Variants in PTGR3 observed in about 807,000 individuals in gnomAD.
PTGR3 encodes zinc binding alcohol dehydrogenase domain containing 2.
the PTGR3 span, chr18:75,201,686 T>C: frequency 3.1e-6 from 5 of 1,614,158 alleles, no homozygotes; most frequent in South Asian, 3.3e-5. Context: ...TGGCTGGCAA[T>C]GTTCCTGCTT....
chr18:75,204,854 A>T, the PTGR3 span, among the ~76,000 whole-genome samples: 1 of 152,050 alleles, frequency 6.6e-6, no homozygotes, highest in Non-Finnish European at 1.5e-5. Flanking sequence ...GTTCTCTCCG[A>T]GTCCCGTGCA....
At chr18:75,208,911 T>G in the PTGR3 span, 1 of 1,575,758 alleles carries the variant, frequency 6.3e-7, no homozygotes, top group Non-Finnish European at 8.6e-7. Context: ...CGGCTCAGGG[T>G]GACGGCCTCG....
the PTGR3 span, chr18:75,209,046 C>G: frequency 1.3e-6 from 2 of 1,555,202 alleles, no homozygotes; most frequent in Non-Finnish European, 1.7e-6. This position sits in a 1 kb window ranked among gnomAD's most constrained non-coding sequence, Gnocchi z 4.7. Context: ...CCGGTGGGCA[C>G]CAGCCGCAGC....
chr18:75,202,342 T>C, the PTGR3 span: 1 of 1,598,750 alleles, frequency 6.3e-7, no homozygotes, highest in East Asian at 2.2e-5. Context: ...CCAACAAATC[T>C]AAAAGAAAAC....
the PTGR3 span, chr18:75,208,538 G>C: frequency 6.0e-4 from 660 of 1,091,966 alleles, 15 homozygotes; most frequent in South Asian, 0.024. Context: ...GGGTCCCGTC[G>C]GTTTTATTTC....
chr18:75,201,603 A>G, the PTGR3 span: 2 of 1,614,196 alleles, frequency 1.2e-6, no homozygotes, highest in Non-Finnish European at 1.7e-6. Context: ...CAAGTGGCTC[A>G]TGGCTGCTTG....
the PTGR3 span, among the ~76,000 whole-genome samples, chr18:75,207,872 C>T: frequency 6.6e-6 from 1 of 152,320 alleles, no homozygotes; most frequent in South Asian, 2.1e-4. Context: ...TTACTCCTCC[C>T]TTTCGATATT....
chr18:75,198,285 C>T, the PTGR3 span: 2 of 152,194 alleles, frequency 1.3e-5, no homozygotes, highest in Non-Finnish European at 2.9e-5. Context: ...GAGGACATTA[C>T]ATCCTCATTA....
the PTGR3 span, among the ~76,000 whole-genome samples, chr18:75,208,173 C>T: frequency 6.6e-6 from 1 of 152,334 alleles, no homozygotes; most frequent in East Asian, 1.9e-4. Context: ...GCAAAACGTG[C>T]CGGCAAAGGC....
At chr18:75,200,294 G>C in the PTGR3 span, 1 of 152,266 alleles carries the variant, frequency 6.6e-6, no homozygotes, top group Admixed American at 6.5e-5. Flanking sequence ...TGTGTGGTCA[G>C]TGGGTCAATG....
chr18:75,202,133 A>G, the PTGR3 span: 7 of 1,614,004 alleles, frequency 4.3e-6, no homozygotes, highest in Non-Finnish European at 5.9e-6. Context: ...CTGGAGTTGC[A>G]ATGCTGGCAG....
At chr18:75,200,678 G>GGTTTCCCTTTCC in the PTGR3 span, 2 of 151,942 alleles carry the variant, frequency 1.3e-5, no homozygotes, top group Non-Finnish European at 2.9e-5. Flanking sequence ...TAATCTCTGT[G>GGTTTCCCTTTCC]GTTTCCCTTT....
the PTGR3 span, among the ~76,000 whole-genome samples, chr18:75,203,322 C>T: frequency 6.6e-6 from 1 of 152,046 alleles, no homozygotes; most frequent in African/African-American, 2.4e-5. Context: ...TAATGGAAGA[C>T]CCTAAAAATG....
chr18:75,206,040 G>A, the PTGR3 span, among the ~76,000 whole-genome samples: 1 of 152,198 alleles, frequency 6.6e-6, no homozygotes, highest in Non-Finnish European at 1.5e-5. Context: ...TGCATAAACT[G>A]ATTTAACCTG....
At chr18:75,198,542 GGTCA>G in the PTGR3 span, 4 of 151,142 alleles carry the variant, frequency 2.6e-5, no homozygotes, top group Admixed American at 6.6e-5. Context: ...TTAATGCTGA[GGTCA>G]GTTAACAGCA....
At chr18:75,201,273 A>G in the PTGR3 span, 1 of 675,402 alleles carries the variant, frequency 1.5e-6, no homozygotes, top group East Asian at 2.8e-5. Context: ...GAGGAGGAGA[A>G]GGAGAGACCT....
the PTGR3 span, among the ~76,000 whole-genome samples, chr18:75,204,203 C>T: frequency 6.6e-6 from 1 of 152,248 alleles, no homozygotes; most frequent in Non-Finnish European, 1.5e-5. Context: ...GGCAGTCCTC[C>T]CCACCTCGGG....
chr18:75,209,135 G>A, the PTGR3 span: 1 of 1,226,168 alleles, frequency 8.2e-7, no homozygotes, highest in Non-Finnish European at 1.0e-6. The surrounding 1 kb of genome is among the most constrained non-coding windows in gnomAD (Gnocchi z 4.7). Context: ...GCTCGGCTGT[G>A]CTCTGCTCGG....
chr18:75,208,337 C>T, the PTGR3 span: 4 of 986,482 alleles, frequency 4.1e-6, no homozygotes, highest in Non-Finnish European at 4.8e-6. Flanking sequence ...CGACAGGCTC[C>T]GCCACTGCGA....
Sources: allele counts gnomAD v4.1 joint callset (sites outside exome capture counted in the v4.1 genomes callset), GRCh38; gene constraint gnomAD v4.1.1; non-coding constraint Gnocchi (gnomAD v3.1); transcripts MANE v1.5; gene names NCBI Gene and HGNC (gene_info 2026-07-23, HGNC 2026-07-21).